Variants in ABCA4 observed in about 807,000 individuals in gnomAD.
ABCA4 encodes retinal-specific phospholipid-transporting ATPase ABCA4.
Under a neutral mutation model 263.7 loss-of-function variants are expected in ABCA4, and 196 were observed. The ratio of observed to expected loss-of-function variants is 0.74; its 90% CI spans 0.66 to 0.84. The LOEUF (loss-of-function observed/expected upper bound fraction) is 0.84, where lower values mean the gene tolerates loss of function less well. Among genes scored for constraint, ABCA4 ranks in the 40% least tolerant of loss-of-function variants. The pLI is 0.00. For missense variants in ABCA4, 2,792 were observed against 2,855.1 expected, an observed-to-expected ratio of 0.98 and a Z score of 0.50; for synonymous variants, 1,133 against 1,094.2, an observed-to-expected ratio of 1.04 and a Z score of -0.70.
intron 32 of ABCA4, among the ~76,000 whole-genome samples, chr1:94,022,488 G>A (rs1659931034): frequency 6.6e-6 from 1 of 152,106 alleles, no homozygotes; most frequent in Non-Finnish European, 1.5e-5. Context: ...ACCTCTCGGG[G>A]CTTCTGTGCC....
chr1:94,003,189 T>C (rs1216332734), intron 44 of ABCA4, among the ~76,000 whole-genome samples: 1 of 152,230 alleles, frequency 6.6e-6, no homozygotes, highest in East Asian at 1.9e-4. Context: ...TTTTGTCAGT[T>C]GGTCCAATAA....
intron 31 of ABCA4, 52 bp downstream of exon 31, chr1:94,024,902 A>T: frequency 7.0e-7 from 1 of 1,435,486 alleles, no homozygotes; most frequent in Non-Finnish European, 9.8e-7. Context: ...GTCCCTAGTT[A>T]ATATCTTCTA....
chr1:94,004,268 C>A (rs1401018404), intron 44 of ABCA4, among the ~76,000 whole-genome samples: 2 of 152,224 alleles, frequency 1.3e-5, no homozygotes, highest in African/African-American at 4.8e-5. Context: ...AGTGCTACCT[C>A]CGGTTCCTAT....
Position 94,039,277 on chromosome 1 carries a change from A to T in ABCA4, c.3607+766T>A, listed in dbSNP as rs141767708. ...CAGTTGTAATGATCAGACAACGCAA[A>T]TATTGCCCGGTTCTCTTGCTTCACC... On this transcript the variant is annotated intron_variant, in intron 24 of 49. Transcript: ENST00000370225. Among the ~76,000 whole-genome samples, 339 of 152,342 alleles carry T rather than the reference A, an allele frequency of 2.2e-3. 2 individuals are homozygous for T. The highest frequency in any genetic ancestry group is 7.9e-3 in the African/African-American group (329 of 41,582).
intron 18 of ABCA4, among the ~76,000 whole-genome samples, chr1:94,048,097 G>A (rs1352641348): frequency 6.6e-6 from 1 of 152,204 alleles, no homozygotes; most frequent in African/African-American, 2.4e-5. Context: ...GTCTAACTCT[G>A]GGAGGGGCTG....
At chr1:94,095,363 A>G (rs1662096010) in intron 6 of ABCA4, among the ~76,000 whole-genome samples, 1 of 151,590 alleles carries the variant, frequency 6.6e-6, no homozygotes, top group Non-Finnish European at 1.5e-5. Flanking sequence ...CCTGACTCAA[A>G]GTGGGTAGAT....
At chr1:94,069,904 C>T (rs1661361627) in intron 11 of ABCA4, among the ~76,000 whole-genome samples, 1 of 152,042 alleles carries the variant, frequency 6.6e-6, no homozygotes, top group South Asian at 2.1e-4. Flanking sequence ...AAATGTCTGT[C>T]TCTAAAATAA....
intron 8 of ABCA4, among the ~76,000 whole-genome samples, chr1:94,079,910 T>C (rs1413937677): frequency 6.6e-6 from 1 of 152,132 alleles, no homozygotes; most frequent in Non-Finnish European, 1.5e-5. Context: ...GCATGTCCCT[T>C]GCTGCCTCTT....
At chr1:94,046,856 G>T in intron 19 of ABCA4, 63 bp downstream of exon 19, 1 of 1,587,730 alleles carries the variant, frequency 6.3e-7, no homozygotes, top group South Asian at 1.1e-5. Flanking sequence ...CGCTGATAGG[G>T]AAAGACTAAG....
At chr1:94,036,867 T>G in intron 25 of ABCA4, 79 bp from the exon 26 acceptor site, 1 of 1,388,572 alleles carries the variant, frequency 7.2e-7, no homozygotes, top group Non-Finnish European at 1.0e-6. Flanking sequence ...TCTGTTTTGT[T>G]GGGTATTGCT....
At chr1:94,066,960 C>T (rs1297213151) in intron 11 of ABCA4, among the ~76,000 whole-genome samples, 1 of 152,098 alleles carries the variant, frequency 6.6e-6, no homozygotes, top group Non-Finnish European at 1.5e-5. Flanking sequence ...TTTAAATAGC[C>T]CTGCGTGGCT....
At chr1:94,047,585 C>T (rs1435400979) in intron 18 of ABCA4, among the ~76,000 whole-genome samples, 8 of 152,160 alleles carry the variant, frequency 5.3e-5, no homozygotes, top group South Asian at 2.1e-4. Flanking sequence ...TTTCTGGAAG[C>T]GGCTTAGGTT....
intron 48 of ABCA4, among the ~76,000 whole-genome samples, 176 bp from the exon 49 acceptor site, chr1:93,996,371 G>A (rs993395900): frequency 2.0e-5 from 3 of 152,186 alleles, no homozygotes; most frequent in Non-Finnish European, 4.4e-5. Flanking sequence ...CCACTGCCCT[G>A]GTCAGAGCTA....
Position 94,031,904 on chromosome 1 carries a change from G to A in ABCA4, c.4002C>T (p.Pro1334=). 1 of 1,614,164 alleles carries A rather than the reference G, an allele frequency of 6.2e-7. No homozygotes were observed. The highest frequency in any genetic ancestry group is 8.5e-7 in the Non-Finnish European group (1 of 1,180,028). Reference sequence around the variant, plus strand: ...GCGGGCCTGGGCACTCTGGCTCTGGGGGAGGCTGGCCCTCTGGGTGAGCAG... The same window carrying A: ...GCGGGCCTGGGCACTCTGGCTCTGGAGGAGGCTGGCCCTCTGGGTGAGCAG... ...APAAHPEGQP[P]PEPECPGPQL... Residue 1334 remains proline, a synonymous_variant, in exon 27 of 50, where the codon CCC becomes CCT. Coordinates refer to ENST00000370225, the MANE Select transcript of ABCA4 (RefSeq NM_000350.3).
In ABCA4 at chr1:94,001,112, G is replaced by A; in HGVS notation, c.6283-7C>T. On this transcript the variant is annotated splice_region_variant and splice_polypyrimidine_tract_variant and intron_variant, in intron 45 of 49. Coordinates refer to ENST00000370225, the MANE Select transcript of ABCA4 (RefSeq NM_000350.3). ...TCCCTGTGGTGGGCTCATCCTGGGG[G>A]GTGGAGAGAAGGTTGGGGGCACAGG... The A allele has an allele frequency of 1.2e-6, 2 of 1,611,562 alleles. No homozygotes were observed. Among genetic ancestry groups the A allele is most frequent in the Non-Finnish European group, 1.7e-6 (2 of 1,178,294 alleles).
In ABCA4 at chr1:94,069,483, G is replaced by A. The variant is rs950260813; in HGVS notation, c.1555-6166C>T. Among the ~76,000 whole-genome samples, 7 of 152,286 alleles carry A rather than the reference G, an allele frequency of 4.6e-5. No homozygotes were observed. The South Asian group carries it at 8.3e-4, about 18-fold the overall frequency. On this transcript the variant is annotated intron_variant, in intron 11 of 49. Transcript: ENST00000370225. ...CACTGCCCGCTTAGAGATGTTGGCT[G>A]TATAATCCCGCCTCTCACATCTGTA...
chr1:94,036,791 G>A lies in ABCA4; in HGVS notation c.3814-3C>T. 6.2e-7 allele frequency: 1 copy of A among 1,613,870 alleles called. No individual in the cohort carries two copies. The highest frequency in any genetic ancestry group is 8.5e-7 in the Non-Finnish European group (1 of 1,179,792). On this transcript the variant is annotated splice_polypyrimidine_tract_variant and splice_region_variant and intron_variant, in intron 25 of 49. Coordinates refer to ENST00000370225, the MANE Select transcript of ABCA4 (RefSeq NM_000350.3). ...TCCTCCGTGACCTTCAGAAAAATCT[G>A]TCAAGAAGAAAAAAAGAGAGAATTT...
chr1:94,114,921 C>T (rs1269568941), intron 1 of ABCA4, among the ~76,000 whole-genome samples: 2 of 152,318 alleles, frequency 1.3e-5, no homozygotes, highest in East Asian at 3.9e-4. Context: ...TTCCAGCACC[C>T]CACATGGGGC....
chr1:94,078,826 G>A (rs150798623), intron 9 of ABCA4, 120 bp from the exon 10 acceptor site: 82 of 801,674 alleles, frequency 1.0e-4, no homozygotes, highest in Non-Finnish European at 1.6e-4. Flanking sequence ...TCAAGGAAGT[G>A]TTTTTATTTT....
Sources: allele counts gnomAD v4.1 joint callset (sites outside exome capture counted in the v4.1 genomes callset), GRCh38; gene constraint gnomAD v4.1.1; transcripts MANE v1.5; gene names NCBI Gene and HGNC (gene_info 2026-07-23, HGNC 2026-07-21).